The following MGAM2 variants were observed in gnomAD, a reference collection of about 807,000 sequenced individuals.
The protein encoded by MGAM2 is maltase-glucoamylase 2 (putative), also known as probable maltase-glucoamylase 2.
A neutral mutation model predicts 96.1 loss-of-function variants in MGAM2; 98 were observed. The ratio of observed to expected loss-of-function variants is 1.02; its 90% confidence interval spans 0.87 to 1.21. The LOEUF (loss-of-function observed/expected upper bound fraction) is 1.21. MGAM2 is among the 50% of genes most tolerant of loss of function. The pLI is 0.00. For synonymous variants in MGAM2, 749 were observed against 414.8 expected, an observed-to-expected ratio of 1.81 and a Z score of -9.79; for missense variants, 2,055 against 1,182.4, an observed-to-expected ratio of 1.74 and a Z score of -10.82.
At position 142,171,368 on chromosome 7, in the gene MGAM2, T is replaced by C; in HGVS notation, c.3279T>C (p.Thr1093=). Residue 1093 remains threonine (T), a synonymous_variant, in exon 28 of 48, where the codon ACT becomes ACC. Transcript: ENST00000477922. ...AGTACATCTATGGCTTTGGGGAAAC[T>C]GAGCACACGACTTTCAGAAGAAACA... ...PSQYIYGFGE[T]EHTTFRRNMN... The C allele has an allele frequency of 1.4e-6, 1 of 703,250 alleles. No homozygotes were observed. The highest frequency in any genetic ancestry group is 2.6e-6 in the Non-Finnish European group (1 of 384,950). 43.6% of individuals were successfully genotyped at this position (703,250 alleles called of 1,614,324 possible). A position where few individuals can be genotyped will look rare whatever the true frequency, so the allele number is the denominator to read the frequency against.
rs183479438 is a variant in MGAM2 at position 142,207,664 on chromosome 7, C to T, written c.5138-909C>T. ...CAGGACGGTCTCGAGCTCCTGACCTCGTGATGCGCCCGCCTCGGCCTCCCA... is the reference window on the plus strand; with the variant it reads ...CAGGACGGTCTCGAGCTCCTGACCTTGTGATGCGCCCGCCTCGGCCTCCCA... On this transcript the variant is annotated intron_variant, in intron 45 of 47. Coordinates refer to ENST00000477922, the MANE Select transcript of MGAM2 (RefSeq NM_001293626.2). Among the ~76,000 whole-genome samples the T allele has an allele frequency of 3.9e-3, 593 of 152,180 alleles. 4 individuals carry two copies. The highest frequency in any genetic ancestry group is 6.5e-3 in the Non-Finnish European group (443 of 68,006).
intron 1 of MGAM2, among the ~76,000 whole-genome samples, chr7:142,112,226 G>C (rs1212478842): frequency 6.6e-6 from 1 of 152,072 alleles, no homozygotes; most frequent in Non-Finnish European, 1.5e-5. Flanking sequence ...AAGTAGGCAA[G>C]AATTTCTACC....
intron 3 of MGAM2, among the ~76,000 whole-genome samples, chr7:142,122,858 T>C (rs771223658): frequency 6.6e-6 from 1 of 152,090 alleles, no homozygotes; most frequent in Non-Finnish European, 1.5e-5. Flanking sequence ...TTGGATGAAA[T>C]CTCGTTCTGT....
intron 3 of MGAM2, among the ~76,000 whole-genome samples, chr7:142,124,013 C>A (rs369242310): frequency 8.0e-6 from 1 of 124,746 alleles, no homozygotes; most frequent in Non-Finnish European, 1.6e-5. Flanking sequence ...TGCTCTGTCT[C>A]CCAGGCTGGA....
At chr7:142,214,702 T>A (rs1288741943) in intron 46 of MGAM2, among the ~76,000 whole-genome samples, 2 of 152,118 alleles carry the variant, frequency 1.3e-5, no homozygotes, top group Non-Finnish European at 2.9e-5. Flanking sequence ...GAAGAATCAG[T>A]ATCGTGAAAA....
chr7:142,201,647 C>T (rs901442403), intron 45 of MGAM2, among the ~76,000 whole-genome samples: 3 of 152,142 alleles, frequency 2.0e-5, no homozygotes, highest in African/African-American at 4.8e-5. Context: ...TTTGAAAATG[C>T]AGTTAGCCTA....
At chr7:142,139,899 C>A (rs1795170537) in intron 10 of MGAM2, among the ~76,000 whole-genome samples, 1 of 152,024 alleles carries the variant, frequency 6.6e-6, no homozygotes, top group South Asian at 2.1e-4. Flanking sequence ...TGCAAACATC[C>A]AATTCCAGGA....
chr7:142,141,487 A>T (rs1795227456), intron 12 of MGAM2, among the ~76,000 whole-genome samples: 1 of 151,748 alleles, frequency 6.6e-6, no homozygotes, highest in Non-Finnish European at 1.5e-5. Flanking sequence ...AATATATTTT[A>T]TTTTTTTTAA....
chr7:142,220,203 C>G lies in MGAM2; in HGVS notation c.5692C>G (p.Pro1898Ala). Residue 1898 changes from proline (P) to alanine (A), a missense_variant, in exon 48 of 48, where the codon CCT (proline) becomes GCT (alanine). Pro to Ala is a conservative substitution (Grantham distance 27). Transcript: ENST00000477922. ...TAATGCTAGCACTAATGCTACTGTT[C>G]CTATCACAACCACACCTTTCCCAAC... is the stretch of plus-strand genomic sequence containing the variant. Reference protein sequence around the residue: ...TTNASTNATVPITTTPFPTST... With the variant: ...TTNASTNATVAITTTPFPTST... The G allele has an allele frequency of 2.8e-6, 2 of 702,780 alleles. No individual in the cohort carries two copies. The highest frequency in any genetic ancestry group is 5.2e-6 in the Non-Finnish European group (2 of 384,902). 43.5% of individuals were successfully genotyped at this position (702,780 alleles called of 1,614,324 possible). A position where few individuals can be genotyped will look rare whatever the true frequency, so the allele number is the denominator to read the frequency against.
intron 45 of MGAM2, among the ~76,000 whole-genome samples, chr7:142,207,316 G>A (rs1225859095): frequency 6.6e-6 from 1 of 152,106 alleles, no homozygotes; most frequent in Non-Finnish European, 1.5e-5. Context: ...CAGATTCCAT[G>A]GAAAAAGGAA....
At chr7:142,128,445 C>CG (rs1563249606) in intron 3 of MGAM2, among the ~76,000 whole-genome samples, 1 of 152,120 alleles carries the variant, frequency 6.6e-6, no homozygotes, top group African/African-American at 2.4e-5. Context: ...GCCAAGACAA[C>CG]GGGAAAAATG....
At chr7:142,177,638 T>C (rs1404902448) in intron 32 of MGAM2, among the ~76,000 whole-genome samples, 2 of 152,222 alleles carry the variant, frequency 1.3e-5, no homozygotes, top group Non-Finnish European at 2.9e-5. Context: ...TGTCTGTTCC[T>C]GCATTAATTC....
intron 23 of MGAM2, among the ~76,000 whole-genome samples, chr7:142,164,385 T>C (rs1380152452): frequency 1.3e-5 from 2 of 152,332 alleles, no homozygotes; most frequent in Middle Eastern, 3.4e-3. Flanking sequence ...AATGAAGTAA[T>C]ACATGTCAAA....
intron 32 of MGAM2, 68 bp from the exon 33 acceptor site, chr7:142,183,198 A>AT: frequency 1.5e-6 from 1 of 662,408 alleles, no homozygotes; most frequent in Admixed American, 2.3e-5. Flanking sequence ...GAACTACTAA[A>AT]TTTTTGGAGA....
Position 142,143,833 on chromosome 7 carries a change from A to G in MGAM2, c.1382A>G (p.Asp461Gly). The G allele has an allele frequency of 1.4e-6, 1 of 702,862 alleles. No homozygotes were observed. The highest frequency in any genetic ancestry group is 2.6e-6 in the Non-Finnish European group (1 of 384,884). 43.5% of individuals were successfully genotyped at this position (702,862 alleles called of 1,614,324 possible). The part of the protein sequence containing the change: ...TNPVCTEWWT[D>G]QVAKFHDHLE... ...CCAGTATGCACTGAGTGGTGGACAG[A>G]TCAGGTCGCTAAATTTCATGATCAT... The change falls in exon 13 of 48, where the codon GAT becomes GGT. Residue 461 changes from aspartate (D) to glycine (G), a missense_variant. Physicochemically the swap from Asp to Gly is moderately conservative, Grantham distance 94 (BLOSUM62 -1). Coordinates refer to ENST00000477922, the MANE Select transcript of MGAM2 (RefSeq NM_001293626.2).
At chr7:142,114,202 G>GAAAC (rs1563242717) in intron 1 of MGAM2, among the ~76,000 whole-genome samples, 1 of 140,490 alleles carries the variant, frequency 7.1e-6, no homozygotes, top group Non-Finnish European at 1.5e-5. Context: ...AAGAAAGAAA[G>GAAAC]AAAGAAAGAA....
Position 142,154,844 on chromosome 7 carries a change from G to A in MGAM2, c.1922G>A (p.Arg641Lys). Reference sequence around the variant, plus strand: ...AGGAATCACAATGGGCCTGGGTTCAGGGTAAGGTCACCAAAAGAAGTGATG... The same window carrying A: ...AGGAATCACAATGGGCCTGGGTTCAAGGTAAGGTCACCAAAAGAAGTGATG... ...LPRNHNGPGF[R>K]DQDPAAFGVD... is the part of the protein sequence containing the mutation. The change falls in exon 17 of 48, where the codon AGG becomes AAG. Residue 641 changes from arginine to lysine, a missense_variant and splice_region_variant. Transcript: ENST00000477922. 1.4e-6 allele frequency: 1 copy of A among 703,130 alleles called. No homozygotes were observed. The highest frequency in any genetic ancestry group is 1.5e-5 in the South Asian group (1 of 67,586). 43.6% of individuals were successfully genotyped at this position (703,130 alleles called of 1,614,324 possible). A position where few individuals can be genotyped will look rare whatever the true frequency, so the allele number is the denominator to read the frequency against.
chr7:142,130,070 T>C (rs770509812), intron 3 of MGAM2, among the ~76,000 whole-genome samples: 1 of 152,092 alleles, frequency 6.6e-6, no homozygotes, highest in Non-Finnish European at 1.5e-5. Flanking sequence ...AATAATTTTA[T>C]GTAAATTAAC....
At position 142,144,763 on chromosome 7, in the gene MGAM2, G is replaced by C. The variant is rs1166798870; in HGVS notation, c.1432-98G>C. ...TAAAATCCAAAAAGCAGTTGATAAG[G>C]GACCCAGATATCCTGGCTCCTAGTT... On this transcript the variant is annotated intron_variant, in intron 13 of 47. Transcript: ENST00000477922. 8 of 575,516 alleles carry C rather than the reference G, an allele frequency of 1.4e-5. No individual in the cohort carries two copies. In the South Asian group the frequency reaches 1.8e-4, roughly 13 times the overall value. The allele number at this position is 575,516 out of a possible 1,614,324, so 35.7% of individuals were successfully genotyped here.
Sources: allele counts gnomAD v4.1 joint callset (sites outside exome capture counted in the v4.1 genomes callset), GRCh38; gene constraint gnomAD v4.1.1; transcripts MANE v1.5; gene names NCBI Gene and HGNC (gene_info 2026-07-23, HGNC 2026-07-21).